ZNF75D: variants seen among roughly 807,000 people sequenced by gnomAD.
ZNF75D encodes the protein zinc finger protein 75.
In ZNF75D, 33 loss-of-function variants were observed where a neutral mutation model predicts 33.3. That is an observed-to-expected ratio of 0.99 (90% CI 0.75 to 1.32). The LOEUF is 1.32. ZNF75D is among the 40% of genes most tolerant of loss of function. The pLI, the probability that ZNF75D is intolerant of heterozygous loss-of-function variation, is 0.00. For synonymous variants in ZNF75D, 113 were observed against 130.6 expected, an observed-to-expected ratio of 0.87 and a Z score of 0.92; for missense variants, 338 against 367.5, an observed-to-expected ratio of 0.92 and a Z score of 0.66.
At chrX:135,285,118 C>T (rs1041658207), downstream of ZNF75D, among the ~76,000 whole-genome samples, 1 of 111,545 alleles carries the variant, frequency 9.0e-6, no homozygotes, top group Non-Finnish European at 1.9e-5. Flanking sequence ...ATATGAGATC[C>T]TTTCCTCCCA....
At chrX:135,334,880 T>C (rs2084691784) in intron 1 of ZNF75D, among the ~76,000 whole-genome samples, 1 of 111,294 alleles carries the variant, frequency 9.0e-6, no homozygotes. Flanking sequence ...TAACCTCACA[T>C]TTACCCCCAG....
At chrX:135,322,555 T>C (rs2084509905) in intron 1 of ZNF75D, among the ~76,000 whole-genome samples, 1 of 112,197 alleles carries the variant, frequency 8.9e-6, no homozygotes, top group Admixed American at 9.4e-5. Flanking sequence ...GACAGATAGA[T>C]AGACAGATAG....
intron 1 of ZNF75D, among the ~76,000 whole-genome samples, chrX:135,258,950 C>G (rs1280943173): frequency 4.5e-5 from 5 of 111,847 alleles, no homozygotes; most frequent in Admixed American, 9.5e-5. Flanking sequence ...AGTCTTTAAC[C>G]CATCTTGAAT....
chrX:135,261,222 T>G (rs1399788897), intron 1 of ZNF75D, among the ~76,000 whole-genome samples: 1 of 112,453 alleles, frequency 8.9e-6, no homozygotes, highest in Non-Finnish European at 1.9e-5. Flanking sequence ...TCCACCTATG[T>G]GGTCAATTTT....
intron 1 of ZNF75D, among the ~76,000 whole-genome samples, chrX:135,341,030 T>C (rs2084777754): frequency 8.9e-6 from 1 of 111,856 alleles, no homozygotes. Context: ...CAGGGACATA[T>C]GGCATTGATT....
chrX:135,278,320 T>C (rs1248418702), intron 1 of ZNF75D, among the ~76,000 whole-genome samples: 5 of 112,148 alleles, frequency 4.5e-5, no homozygotes, highest in African/African-American at 6.5e-5. Context: ...ATGCTTGTGA[T>C]TTTTGCACAT....
At chrX:135,336,446 G>A (rs1309240573) in intron 1 of ZNF75D, among the ~76,000 whole-genome samples, 1 of 113,008 alleles carries the variant, frequency 8.8e-6, no homozygotes, top group Admixed American at 9.3e-5. Flanking sequence ...TATCTGAGGA[G>A]TCTGGCTCCT....
At chrX:135,282,390 C>T (rs1178507523), downstream of ZNF75D, among the ~76,000 whole-genome samples, 2 of 111,757 alleles carry the variant, frequency 1.8e-5, no homozygotes, top group African/African-American at 6.5e-5. Context: ...GTGCTGGCAG[C>T]GAGAATTTCA....
At chrX:135,308,657 C>T (rs1556426510) in intron 1 of ZNF75D, among the ~76,000 whole-genome samples, 1 of 112,039 alleles carries the variant, frequency 8.9e-6, no homozygotes, top group Non-Finnish European at 1.9e-5. Flanking sequence ...GGCATTATGC[C>T]AGATTCAAGT....
intron 1 of ZNF75D, among the ~76,000 whole-genome samples, chrX:135,304,093 G>C (rs1296306888): frequency 8.9e-6 from 1 of 112,164 alleles, no homozygotes; most frequent in Admixed American, 9.4e-5. Context: ...GCTGGGCATT[G>C]CAAGTCCCAT....
downstream of ZNF75D, among the ~76,000 whole-genome samples, chrX:135,283,764 G>C (rs182099057): frequency 2.7e-3 from 304 of 111,798 alleles, 4 homozygotes; most frequent in Admixed American, 5.7e-3. Context: ...GAGGTTTCTT[G>C]GGAGTGGAGA....
chrX:135,340,033 C>A (rs1266637118), intron 1 of ZNF75D, among the ~76,000 whole-genome samples: 1 of 112,622 alleles, frequency 8.9e-6, no homozygotes, highest in Non-Finnish European at 1.9e-5. Flanking sequence ...AATGCTTTTA[C>A]AGTTGTGATT....
intron 1 of ZNF75D, among the ~76,000 whole-genome samples, chrX:135,263,459 A>C (rs1408892647): frequency 8.9e-5 from 10 of 112,979 alleles, no homozygotes; most frequent in African/African-American, 3.2e-4. Context: ...GTTGAGCTGC[A>C]GTGGGCTCGT....
chrX:135,334,110 T>C (rs1227427892), intron 1 of ZNF75D, among the ~76,000 whole-genome samples: 1 of 112,315 alleles, frequency 8.9e-6, no homozygotes, highest in Non-Finnish European at 1.9e-5. Context: ...ATATGTTCCA[T>C]GGGAGAGGCA....
chrX:135,263,587 G>A (rs1556415895), intron 1 of ZNF75D, among the ~76,000 whole-genome samples: 1 of 112,983 alleles, frequency 8.9e-6, no homozygotes, highest in African/African-American at 3.2e-5. Flanking sequence ...TGGGCTAGCA[G>A]TAAGCAAGGC....
intron 1 of ZNF75D, among the ~76,000 whole-genome samples, chrX:135,339,759 C>T (rs1474471464): frequency 1.8e-5 from 2 of 112,238 alleles, no homozygotes; most frequent in East Asian, 5.6e-4. Context: ...CCCTCCCTCG[C>T]TCCACCTTGC....
At chrX:135,337,467 T>C (rs2084727499) in intron 1 of ZNF75D, among the ~76,000 whole-genome samples, 1 of 112,257 alleles carries the variant, frequency 8.9e-6, no homozygotes, top group Non-Finnish European at 1.9e-5. Context: ...TTTACTTTTA[T>C]TCATTTTTTA....
At chrX:135,318,070 G>GATATAT (rs1556432533) in intron 1 of ZNF75D, among the ~76,000 whole-genome samples, 16 of 92,254 alleles carry the variant, frequency 1.7e-4, no homozygotes, top group South Asian at 5.9e-4. Flanking sequence ...GCAATGGCTT[G>GATATAT]ATATATATAT....
intron 1 of ZNF75D, among the ~76,000 whole-genome samples, chrX:135,337,692 A>C (rs1203103345): frequency 9.0e-6 from 1 of 110,829 alleles, no homozygotes; most frequent in Non-Finnish European, 1.9e-5. Flanking sequence ...AAATATTGGA[A>C]TCCTAAATGC....
Sources: allele counts gnomAD v4.1 joint callset (sites outside exome capture counted in the v4.1 genomes callset), GRCh38; gene constraint gnomAD v4.1.1; transcripts MANE v1.5; gene names NCBI Gene and HGNC (gene_info 2026-07-23, HGNC 2026-07-21).